Variants in ATXN1 observed in about 807,000 individuals in gnomAD.
The protein encoded by ATXN1 is ataxin-1.
Under a neutral mutation model 56.4 loss-of-function variants are expected in ATXN1, and 8 were observed. That is an observed-to-expected ratio of 0.14 (90% confidence interval 0.08 to 0.26). The LOEUF is 0.26. ATXN1 is among the 10% of genes least tolerant of loss of function. The pLI is 1.00. For synonymous variants in ATXN1, 514 were observed against 494.6 expected (o/e 1.04, Z -0.52); for missense variants, 987 against 1,106.5 (o/e 0.89, Z 1.53).
intron 1 of ATXN1, among the ~76,000 whole-genome samples, chr6:16,759,006 C>A (rs375066653): frequency 2.7e-4 from 41 of 152,318 alleles, no homozygotes; most frequent in African/African-American, 9.6e-4. Context: ...AAGTATCAAA[C>A]TACCTTTACC....
intron 6 of ATXN1, among the ~76,000 whole-genome samples, chr6:16,455,602 A>G (rs1344976668): frequency 6.6e-6 from 1 of 152,228 alleles, no homozygotes; most frequent in African/African-American, 2.4e-5. Flanking sequence ...AAGTCCACAC[A>G]AAAACCTGCA....
chr6:16,372,323 G>T (rs1762056007), intron 6 of ATXN1, among the ~76,000 whole-genome samples: 1 of 152,246 alleles, frequency 6.6e-6, no homozygotes, highest in Admixed American at 6.5e-5. Context: ...GATATGGACA[G>T]AAACAAGAGG....
intron 4 of ATXN1, among the ~76,000 whole-genome samples, chr6:16,578,093 T>C (rs997397520): frequency 2.8e-4 from 42 of 152,230 alleles, no homozygotes; most frequent in African/African-American, 9.6e-4. Flanking sequence ...TTTATAATAG[T>C]AGACTCTATA....
intron 4 of ATXN1, among the ~76,000 whole-genome samples, chr6:16,547,480 G>A (rs1427762837): frequency 6.6e-6 from 1 of 152,112 alleles, no homozygotes; most frequent in Non-Finnish European, 1.5e-5. Context: ...TGGTGTGTGT[G>A]GATGGTCTAC....
intron 6 of ATXN1, among the ~76,000 whole-genome samples, chr6:16,419,006 T>A (rs1758974639): frequency 6.6e-6 from 1 of 152,166 alleles, no homozygotes; most frequent in Non-Finnish European, 1.5e-5. Context: ...ACTTACTAGC[T>A]GTGTGACTTT....
chr6:16,542,341 A>G (rs1306839445), intron 4 of ATXN1, among the ~76,000 whole-genome samples: 2 of 152,198 alleles, frequency 1.3e-5, no homozygotes, highest in African/African-American at 4.8e-5. Context: ...GCGCTCTTCA[A>G]ATAGCAGAGA....
chr6:16,385,846 A>G (rs1001884611), intron 6 of ATXN1, among the ~76,000 whole-genome samples: 2 of 152,254 alleles, frequency 1.3e-5, no homozygotes, highest in Non-Finnish European at 2.9e-5. Context: ...AAAGAATAAG[A>G]TAAGTGCAAA....
chr6:16,551,924 G>A (rs1761926808), intron 4 of ATXN1, among the ~76,000 whole-genome samples: 1 of 152,174 alleles, frequency 6.6e-6, no homozygotes, highest in South Asian at 2.1e-4. Flanking sequence ...AGCAAAAAGA[G>A]GAGCGTCTTT....
chr6:16,678,267 T>TC (rs3842616), intron 2 of ATXN1, among the ~76,000 whole-genome samples: 120,161 of 152,158 alleles, frequency 0.79, 47,650 homozygotes, highest in African/African-American at 0.82. Flanking sequence ...CTATTTTAAT[T>TC]CTTTTGATTT....
intron 2 of ATXN1, among the ~76,000 whole-genome samples, chr6:16,721,326 T>C (rs558372267): frequency 6.6e-6 from 1 of 152,136 alleles, no homozygotes; most frequent in South Asian, 2.1e-4. Flanking sequence ...CAAACCACAT[T>C]TGAAATATGT....
In ATXN1 at chr6:16,703,590, CTTAATT is replaced by C. The variant is rs1239146713; in HGVS notation, c.-614-45695_-614-45690del. ...AAACAAAAGACTTGGAGACTAACAT[CTTAATT>C]TTAACAATGACTATACTGGGCTGTG... On this transcript the variant is annotated intron_variant, in intron 2 of 7. Coordinates refer to ENST00000436367, the MANE Select transcript of ATXN1 (RefSeq NM_001128164.2). Among the ~76,000 whole-genome samples the C allele has an allele frequency of 2.0e-5, 3 of 152,180 alleles. No individual in the cohort carries two copies. The East Asian group carries it at 5.8e-4, about 29-fold the overall frequency.
intron 4 of ATXN1, among the ~76,000 whole-genome samples, chr6:16,553,600 G>A (rs1761960117): frequency 6.6e-6 from 1 of 152,104 alleles, no homozygotes; most frequent in Non-Finnish European, 1.5e-5. Context: ...TTGGTACATG[G>A]CAGACTCTCA....
At chr6:16,689,005 C>T (rs551974327) in intron 2 of ATXN1, among the ~76,000 whole-genome samples, 8 of 151,520 alleles carry the variant, frequency 5.3e-5, no homozygotes, top group South Asian at 2.1e-4. Context: ...TGAATATGTG[C>T]GCATATGTGT....
intron 2 of ATXN1, among the ~76,000 whole-genome samples, chr6:16,701,377 G>C (rs1354476683): frequency 6.6e-6 from 1 of 152,178 alleles, no homozygotes; most frequent in African/African-American, 2.4e-5. Context: ...TATAAACGGG[G>C]CAGAGAAGGG....
At chr6:16,680,970 AC>A (rs1228762312) in intron 2 of ATXN1, among the ~76,000 whole-genome samples, 2 of 152,192 alleles carry the variant, frequency 1.3e-5, no homozygotes, top group East Asian at 3.8e-4. Flanking sequence ...AAAAAATTAA[AC>A]CAGTGATTGA....
chr6:16,380,616 G>A (rs1758081964), intron 6 of ATXN1, among the ~76,000 whole-genome samples: 1 of 152,058 alleles, frequency 6.6e-6, no homozygotes, highest in South Asian at 2.1e-4. Context: ...CTGGCTCATT[G>A]TCTTTTCTGC....
intron 2 of ATXN1, among the ~76,000 whole-genome samples, chr6:16,711,474 G>C (rs1759521267): frequency 6.6e-6 from 1 of 151,148 alleles, no homozygotes; most frequent in Non-Finnish European, 1.5e-5. Context: ...CAAACACTGA[G>C]AAAAAATTCA....
chr6:16,571,406 G>A (rs1166581347), intron 4 of ATXN1, among the ~76,000 whole-genome samples: 2 of 152,182 alleles, frequency 1.3e-5, no homozygotes, highest in Non-Finnish European at 2.9e-5. Flanking sequence ...AGCCCATAAA[G>A]GGAATCTAGA....
chr6:16,464,171 A>G (rs1441562266), intron 6 of ATXN1, among the ~76,000 whole-genome samples: 2 of 152,196 alleles, frequency 1.3e-5, no homozygotes, highest in African/African-American at 4.8e-5. Context: ...CTGTCTTACA[A>G]GAGGATGTAA....
Sources: allele counts gnomAD v4.1 joint callset (sites outside exome capture counted in the v4.1 genomes callset), GRCh38; gene constraint gnomAD v4.1.1; transcripts MANE v1.5; gene names NCBI Gene and HGNC (gene_info 2026-07-23, HGNC 2026-07-21).